The following CFAP54 variants were observed in gnomAD, a reference collection of about 807,000 sequenced individuals.
The protein encoded by CFAP54 is cilia- and flagella-associated protein 54.
Under a neutral mutation model 370.4 loss-of-function variants are expected in CFAP54, and 290 were observed. That is an observed-to-expected ratio of 0.78 (90% CI 0.71 to 0.86). The LOEUF (loss-of-function observed/expected upper bound fraction) is 0.86, where lower values mean the gene tolerates loss of function less well. Among genes scored for constraint, CFAP54 ranks in the 40% least tolerant of loss-of-function variants. The probability of loss-of-function intolerance (pLI) is 0.00; values close to 1 mark genes in which losing one functional copy is unlikely to be tolerated. For synonymous variants in CFAP54, 1,206 were observed against 1,236.5 expected, an observed-to-expected ratio of 0.98 and a Z score of 0.52; for missense variants, 3,399 against 3,528.7, an observed-to-expected ratio of 0.96 and a Z score of 0.93.
At chr12:96,651,283 C>T (rs999220536) in intron 35 of CFAP54, among the ~76,000 whole-genome samples, 4 of 152,168 alleles carry the variant, frequency 2.6e-5, no homozygotes, top group Non-Finnish European at 5.9e-5. Flanking sequence ...ACCCAGTTTC[C>T]CTTGCTCGCT....
At chr12:96,830,680 T>C (rs116322694) in intron 66 of CFAP54, among the ~76,000 whole-genome samples, 3,638 of 152,214 alleles carry the variant, frequency 0.024, 146 homozygotes, top group African/African-American at 0.083. Context: ...TTTCTGGGTT[T>C]GTTTTTTGTT....
intron 14 of CFAP54, 103 bp from the exon 15 acceptor site, chr12:96,547,799 T>G: frequency 2.1e-6 from 1 of 476,292 alleles, no homozygotes; most frequent in South Asian, 4.6e-5. Context: ...TCCTCCTCAC[T>G]CTTGCCCTGT....
chr12:96,535,175 G>A (rs11614187), intron 11 of CFAP54, among the ~76,000 whole-genome samples: 15,262 of 151,670 alleles, frequency 0.1, 1,252 homozygotes, highest in East Asian at 0.45. Flanking sequence ...TCAGCCTCCC[G>A]AGTAGCTAGG....
At position 96,512,299 on chromosome 12, in the gene CFAP54, TTTTA is replaced by T. The variant is rs1261765532; in HGVS notation, c.740-685_740-682del. Among the ~76,000 whole-genome samples, 184 of 119,516 alleles carry T rather than the reference TTTTA, an allele frequency of 1.5e-3. 2 individuals carry two copies. The highest frequency in any genetic ancestry group is 4.2e-3 in the African/African-American group (140 of 33,226). 78.4% of individuals were successfully genotyped at this position (119,516 alleles called of 152,430 possible). On this transcript the variant is annotated intron_variant, in intron 4 of 67. Coordinates refer to ENST00000524981, the MANE Select transcript of CFAP54 (RefSeq NM_001306084.2). ...ATGATAAGGAAACCATGGGAACCAA[TTTTA>T]TATATATATATATATATATATATAT...
chr12:96,504,983 TTCTTCTTTCTTTTTC>T (rs1955078264), intron 3 of CFAP54, among the ~76,000 whole-genome samples: 2 of 148,636 alleles, frequency 1.3e-5, no homozygotes, highest in Non-Finnish European at 3.0e-5. Flanking sequence ...TTCCCTTTCT[TTCTTCTTTCTTTTTC>T]TTTCTTTCTT....
At chr12:96,582,175 G>A (rs1053772473) in intron 22 of CFAP54, among the ~76,000 whole-genome samples, 4 of 152,160 alleles carry the variant, frequency 2.6e-5, no homozygotes, top group African/African-American at 7.2e-5. Flanking sequence ...ATGGAATTAT[G>A]CCTGTCAAAT....
At chr12:96,852,499 A>G (rs1401104068) in intron 66 of CFAP54, among the ~76,000 whole-genome samples, 1 of 152,146 alleles carries the variant, frequency 6.6e-6, no homozygotes, top group African/African-American at 2.4e-5. Context: ...CTTACTTTAC[A>G]GAATATACAA....
chr12:96,786,216 T>G (rs1958627467), intron 61 of CFAP54, among the ~76,000 whole-genome samples: 2 of 137,192 alleles, frequency 1.5e-5, no homozygotes, highest in East Asian at 2.2e-4. Flanking sequence ...TTTTTTTTTT[T>G]GTCACCCACG....
intron 23 of CFAP54, among the ~76,000 whole-genome samples, chr12:96,590,106 A>T (rs1254465123): frequency 6.6e-6 from 1 of 152,220 alleles, no homozygotes; most frequent in East Asian, 1.9e-4. Flanking sequence ...AAGGTTATGA[A>T]ATAAAAATAC....
intron 63 of CFAP54, among the ~76,000 whole-genome samples, chr12:96,797,137 C>A (rs947762618): frequency 6.6e-6 from 1 of 151,960 alleles, no homozygotes; most frequent in Non-Finnish European, 1.5e-5. Flanking sequence ...CTATGTGGAG[C>A]TTTTCTAGTT....
intron 60 of CFAP54, among the ~76,000 whole-genome samples, chr12:96,772,101 A>G (rs1265396711): frequency 1.3e-5 from 2 of 152,086 alleles, no homozygotes; most frequent in Admixed American, 1.3e-4. Flanking sequence ...CATTTTTTTG[A>G]ATAGGTAATT....
chr12:96,495,250 TTC>T (rs1565873782), intron 1 of CFAP54, among the ~76,000 whole-genome samples: 5 of 34,388 alleles, frequency 1.5e-4, no homozygotes, highest in African/African-American at 4.7e-4. Context: ...CCTTCCTTCC[TTC>T]CTTCCTTCCT....
At chr12:96,787,802 G>A (rs1004646030) in intron 62 of CFAP54, among the ~76,000 whole-genome samples, 22 of 152,050 alleles carry the variant, frequency 1.4e-4, no homozygotes, top group African/African-American at 3.1e-4. Context: ...AGAGAAAATC[G>A]CAGGATTAAT....
At chr12:96,494,673 T>C (rs758961489) in intron 1 of CFAP54, among the ~76,000 whole-genome samples, 2 of 152,076 alleles carry the variant, frequency 1.3e-5, no homozygotes, top group African/African-American at 2.4e-5. Flanking sequence ...AGAGACCAGT[T>C]AGGAGTACAG....
chr12:96,626,802 T>C lies in CFAP54; in HGVS notation c.3977-11T>C. Reference sequence around the variant, plus strand: ...ATTGTTAACTATATATGAACTTCCTTGTTATTACAGTTATGAAATTTAAGC... The same window carrying C: ...ATTGTTAACTATATATGAACTTCCTCGTTATTACAGTTATGAAATTTAAGC... On this transcript the variant is annotated splice_polypyrimidine_tract_variant and intron_variant, in intron 29 of 67. Coordinates refer to ENST00000524981, the MANE Select transcript of CFAP54 (RefSeq NM_001306084.2). 7.6e-7 allele frequency: 1 copy of C among 1,313,954 alleles called. No individual in the cohort carries two copies. Among genetic ancestry groups the C allele is most frequent in the Non-Finnish European group, 1.0e-6 (1 of 999,742 alleles). The allele number at this position is 1,313,954 out of a possible 1,614,324, so 81.4% of individuals were successfully genotyped here. A position where few individuals can be genotyped will look rare whatever the true frequency, so the allele number is the denominator to read the frequency against.
At chr12:96,796,982 A>C (rs1321506050) in intron 63 of CFAP54, among the ~76,000 whole-genome samples, 1 of 152,066 alleles carries the variant, frequency 6.6e-6, no homozygotes, top group Non-Finnish European at 1.5e-5. Context: ...TTTCTCTCTA[A>C]ACATTGTTTT....
intron 39 of CFAP54, among the ~76,000 whole-genome samples, chr12:96,678,680 T>A (rs980598340): frequency 2.6e-5 from 4 of 152,170 alleles, no homozygotes; most frequent in Non-Finnish European, 5.9e-5. Flanking sequence ...GCTCACCTTT[T>A]CCTGCCTACA....
chr12:96,639,069 A>G (rs1956694991), intron 32 of CFAP54, among the ~76,000 whole-genome samples: 2 of 152,154 alleles, frequency 1.3e-5, no homozygotes, highest in South Asian at 4.1e-4. Context: ...GTGGGCATTT[A>G]GTGCTATAAA....
At chr12:96,624,185 A>T (rs777227756) in intron 28 of CFAP54, among the ~76,000 whole-genome samples, 1 of 152,172 alleles carries the variant, frequency 6.6e-6, no homozygotes, top group African/African-American at 2.4e-5. Flanking sequence ...ATTTTGGGCC[A>T]GGTAGTTCTT....
Sources: gnomAD v4.1 joint callset for allele counts (sites outside exome capture counted in the v4.1 genomes callset) on GRCh38, gnomAD v4.1.1 for gene constraint, MANE v1.5 for transcripts, NCBI Gene and HGNC (gene_info 2026-07-23, HGNC 2026-07-21) for gene names.